Variants in RPS6KA3 observed in about 807,000 individuals in gnomAD.
The protein encoded by RPS6KA3 is ribosomal protein S6 kinase A3, also known as ribosomal protein S6 kinase alpha-3.
A neutral mutation model predicts 67.2 loss-of-function variants in RPS6KA3; 4 were observed. The ratio of observed to expected loss-of-function variants is 0.06; its 90% confidence interval spans 0.03 to 0.14. RPS6KA3 has a LOEUF of 0.14. Ranked by LOEUF, RPS6KA3 falls within the 10% of genes least tolerant of loss-of-function variation. RPS6KA3 has a pLI of 1.00. For synonymous variants in RPS6KA3, 182 were observed against 183.7 expected, an observed-to-expected ratio of 0.99 and a Z score of 0.07; for missense variants, 204 against 559.0, an observed-to-expected ratio of 0.36 and a Z score of 6.40.
At chrX:20,158,777 TCC>T (rs200982058) in intron 20 of RPS6KA3, among the ~76,000 whole-genome samples, 2,935 of 111,444 alleles carry the variant, frequency 0.026, 103 homozygotes, top group African/African-American at 0.091. Flanking sequence ...TGGCTACTCC[TCC>T]CCTAAGCTTT....
At chrX:20,259,804 T>C (rs963473577) in intron 1 of RPS6KA3, among the ~76,000 whole-genome samples, 1 of 111,836 alleles carries the variant, frequency 8.9e-6, no homozygotes, top group African/African-American at 3.3e-5. Flanking sequence ...TAAATCTTAT[T>C]TAATGCCACA....
chrX:20,223,281 A>G (rs2069028797), intron 2 of RPS6KA3, among the ~76,000 whole-genome samples: 1 of 111,823 alleles, frequency 8.9e-6, no homozygotes, highest in Admixed American at 9.5e-5. Context: ...TCTATAAAAC[A>G]AGAAGGCAAG....
intron 18 of RPS6KA3, among the ~76,000 whole-genome samples, chrX:20,163,823 C>A (rs1017193088): frequency 1.8e-5 from 2 of 111,392 alleles, no homozygotes; most frequent in South Asian, 7.6e-4. Context: ...CATGTGCCAT[C>A]ACGCTTGGCT....
At position 20,161,766 on chromosome X, in the gene RPS6KA3, T is replaced by TTTATAA. The variant is rs1380146543; in HGVS notation, c.1842-11_1842-6dup. 1 of 840,272 alleles carries TTTATAA rather than the reference T, an allele frequency of 1.2e-6. No homozygotes were observed. Among genetic ancestry groups the TTTATAA allele is most frequent in the African/African-American group, 2.1e-5 (1 of 47,874 alleles). 69.2% of individuals were successfully genotyped at this position (840,272 alleles called of 1,213,427 possible). A position where few individuals can be genotyped will look rare whatever the true frequency, so the allele number is the denominator to read the frequency against. On this transcript the variant is annotated splice_polypyrimidine_tract_variant and splice_region_variant and intron_variant, in intron 19 of 21. Transcript: ENST00000379565. ...CCATTTGCAAATGGAGTGTAACTAATTTATAATAAAATTAAAATATTAATG... is the reference window on the plus strand; with the variant it reads ...CCATTTGCAAATGGAGTGTAACTAATTTATAATTATAATAAAATTAAAATATTAATG...
chrX:20,173,434 C>G lies in RPS6KA3; in HGVS notation c.1228-563G>C, dbSNP rs144520246. Among the ~76,000 whole-genome samples the G allele has an allele frequency of 9.4e-3, 1,050 of 111,963 alleles. 3 individuals are homozygous for G. The highest frequency in any genetic ancestry group is 0.015 in the Non-Finnish European group (822 of 53,184). On this transcript the variant is annotated intron_variant, in intron 14 of 21. Coordinates refer to ENST00000379565, the MANE Select transcript of RPS6KA3 (RefSeq NM_004586.3). ...ACTTTCAGTAGCCACTCCCTCCTTT[C>G]TTCACCCTGAAGTCATAGCCTTACA...
chrX:20,156,671 G>A (rs925621739), intron 20 of RPS6KA3, among the ~76,000 whole-genome samples: 2 of 110,586 alleles, frequency 1.8e-5, no homozygotes, highest in Non-Finnish European at 3.8e-5. Flanking sequence ...AAAGAGCTGG[G>A]ACTACAGGTG....
chrX:20,256,962 C>G (rs1221042237), intron 1 of RPS6KA3, among the ~76,000 whole-genome samples: 1 of 112,208 alleles, frequency 8.9e-6, no homozygotes, highest in African/African-American at 3.2e-5. Flanking sequence ...AGTCACTCAC[C>G]TGGATGTTCT....
intron 16 of RPS6KA3, among the ~76,000 whole-genome samples, chrX:20,168,332 G>A (rs1354074314): frequency 2.7e-5 from 3 of 111,897 alleles, no homozygotes; most frequent in Non-Finnish European, 5.6e-5. Context: ...ATGTGTGGTA[G>A]TTAGCCAGGT....
At chrX:20,186,103 G>A (rs934132159) in intron 10 of RPS6KA3, among the ~76,000 whole-genome samples, 193 bp downstream of exon 10, 5 of 110,671 alleles carry the variant, frequency 4.5e-5, no homozygotes, top group South Asian at 3.8e-4. Flanking sequence ...CACCATGCCC[G>A]GCTAAGTTTT....
chrX:20,248,519 G>A (rs980094136), intron 1 of RPS6KA3, among the ~76,000 whole-genome samples: 2 of 110,084 alleles, frequency 1.8e-5, no homozygotes, highest in Admixed American at 1.9e-4. Flanking sequence ...TCGCTCTGTC[G>A]CCCAGGCTGG....
chrX:20,158,320 G>A (rs1277883522), intron 20 of RPS6KA3, among the ~76,000 whole-genome samples: 1 of 90,424 alleles, frequency 1.1e-5, no homozygotes, highest in African/African-American at 4.2e-5. Context: ...AGCTGTGATT[G>A]TACCACTGCA....
intron 20 of RPS6KA3, among the ~76,000 whole-genome samples, chrX:20,159,097 T>TAAC (rs2067250699): frequency 8.9e-6 from 1 of 112,376 alleles, no homozygotes; most frequent in Non-Finnish European, 1.9e-5. Context: ...ACATACATTA[T>TAAC]AACTGCTTTT....
chrX:20,232,089 A>G (rs949612141), intron 2 of RPS6KA3, among the ~76,000 whole-genome samples: 1 of 112,409 alleles, frequency 8.9e-6, no homozygotes, highest in Non-Finnish European at 1.9e-5. Flanking sequence ...TTTGGAAAGA[A>G]AAGTTAGATT....
chrX:20,164,386 G>GTT (rs397977193), intron 18 of RPS6KA3, among the ~76,000 whole-genome samples: 20 of 84,616 alleles, frequency 2.4e-4, no homozygotes, highest in African/African-American at 6.0e-4. Flanking sequence ...CTGAAGGGTT[G>GTT]TTTTTTTTTT....
At chrX:20,218,865 A>C in intron 2 of RPS6KA3, 1 of 1,186,080 alleles carries the variant, frequency 8.4e-7, no homozygotes, top group Non-Finnish European at 1.1e-6. Context: ...TGGTGATAAA[A>C]GAATTTCTGA....
chrX:20,192,416 AAAAG>A (rs2148697383), intron 7 of RPS6KA3, among the ~76,000 whole-genome samples: 1 of 108,967 alleles, frequency 9.2e-6, no homozygotes, highest in African/African-American at 3.3e-5. Context: ...AAGAAAAAAA[AAAAG>A]AAACTATAAA....
At chrX:20,216,803 G>A (rs953971743) in intron 2 of RPS6KA3, among the ~76,000 whole-genome samples, 6 of 111,138 alleles carry the variant, frequency 5.4e-5, no homozygotes, top group African/African-American at 1.6e-4. Flanking sequence ...GAGGTCAAGA[G>A]AGAACTAAAA....
intron 21 of RPS6KA3, 102 bp downstream of exon 21, chrX:20,156,007 G>A (rs1314153645): frequency 1.1e-6 from 1 of 888,518 alleles, no homozygotes; most frequent in African/African-American, 2.0e-5. Flanking sequence ...CAACAGAACT[G>A]GATGCAGGAT....
At chrX:20,185,084 T>C (rs1231376550) in intron 10 of RPS6KA3, among the ~76,000 whole-genome samples, 1 of 111,128 alleles carries the variant, frequency 9.0e-6, no homozygotes, top group Non-Finnish European at 1.9e-5. Flanking sequence ...TAGTTGGGAT[T>C]ACAGGCACCT....
Sources: allele counts gnomAD v4.1 joint callset (sites outside exome capture counted in the v4.1 genomes callset), GRCh38; gene constraint gnomAD v4.1.1; transcripts MANE v1.5; gene names NCBI Gene and HGNC (gene_info 2026-07-23, HGNC 2026-07-21).